Variants in NEGR1 observed in about 807,000 individuals in gnomAD.
The protein encoded by NEGR1 is neuronal growth regulator 1.
In NEGR1, 10 loss-of-function variants were observed where a neutral mutation model predicts 40.9. The ratio of observed to expected loss-of-function variants is 0.24; its 90% CI spans 0.15 to 0.42. NEGR1 has a LOEUF of 0.42. Among genes scored for constraint, NEGR1 ranks in the 10% least tolerant of loss-of-function variants. The probability of loss-of-function intolerance (pLI) is 1.00; values close to 1 mark genes in which losing one functional copy is unlikely to be tolerated. For synonymous variants in NEGR1, 185 were observed against 166.8 expected, an observed-to-expected ratio of 1.11 and a Z score of -0.84; for missense variants, 352 against 438.9, an observed-to-expected ratio of 0.80 and a Z score of 1.77.
At chr1:72,125,026 T>C (rs977440456) in intron 1 of NEGR1, among the ~76,000 whole-genome samples, 28 of 152,130 alleles carry the variant, frequency 1.8e-4, no homozygotes, top group Admixed American at 1.6e-3. Flanking sequence ...ACTTAGTTCT[T>C]AAGTCTTTTG....
chr1:72,248,551 C>A (rs1304110312), intron 1 of NEGR1, among the ~76,000 whole-genome samples: 2 of 148,254 alleles, frequency 1.3e-5, no homozygotes, highest in Non-Finnish European at 3.0e-5. Context: ...AGCCACCACG[C>A]CCAGCCTGAG....
intron 1 of NEGR1, among the ~76,000 whole-genome samples, chr1:72,212,653 A>G (rs1413384037): frequency 6.6e-6 from 1 of 152,036 alleles, no homozygotes; most frequent in Non-Finnish European, 1.5e-5. Context: ...TAAAGAAGTA[A>G]TAATCCAAAT....
rs1202182853 is a variant in NEGR1, at chr1:71,896,342, AGTTT to A, written c.409+38733_409+38736del. Among the ~76,000 whole-genome samples the A allele has an allele frequency of 2.0e-5, 3 of 152,030 alleles. No individual in the cohort carries two copies. The East Asian group carries it at 5.8e-4, about 29-fold the overall frequency. On this transcript the variant is annotated intron_variant, in intron 2 of 6. Transcript: ENST00000357731. ...TTATGTGATGCTTGACTATTTATAT[AGTTT>A]ATTTGGGGAATTTCTATTCAAATTA...
At chr1:71,420,922 A>G (rs1226360527) in intron 6 of NEGR1, among the ~76,000 whole-genome samples, 1 of 152,074 alleles carries the variant, frequency 6.6e-6, no homozygotes, top group African/African-American at 2.4e-5. Flanking sequence ...ATCTTTAATT[A>G]GACATTTCAA....
At chr1:71,601,149 C>T (rs533150257) in intron 5 of NEGR1, among the ~76,000 whole-genome samples, 4 of 152,284 alleles carry the variant, frequency 2.6e-5, no homozygotes, top group African/African-American at 9.6e-5. Flanking sequence ...CTTTCCCATC[C>T]ATTTCTTCCA....
At chr1:71,998,995 C>T (rs115827456) in intron 1 of NEGR1, among the ~76,000 whole-genome samples, 257 of 151,888 alleles carry the variant, frequency 1.7e-3, no homozygotes, top group Non-Finnish European at 2.8e-3. Flanking sequence ...ACATATTAAA[C>T]GATCAATATA....
intron 6 of NEGR1, among the ~76,000 whole-genome samples, chr1:71,535,484 T>C (rs1647484412): frequency 6.6e-6 from 1 of 151,736 alleles, no homozygotes; most frequent in South Asian, 2.1e-4. Context: ...ATTTACTGCA[T>C]AAAAAATTAT....
At chr1:72,210,509 C>A (rs998280742) in intron 1 of NEGR1, among the ~76,000 whole-genome samples, 19 of 151,840 alleles carry the variant, frequency 1.3e-4, no homozygotes, top group African/African-American at 4.6e-4. Flanking sequence ...TGGAAAAAAT[C>A]AAAGTTAAAC....
chr1:72,155,482 C>T (rs1244705079), intron 1 of NEGR1, among the ~76,000 whole-genome samples: 3 of 151,896 alleles, frequency 2.0e-5, no homozygotes, highest in Non-Finnish European at 4.4e-5. Context: ...GTAATTTAAT[C>T]ATGACCCAAA....
At chr1:72,108,347 A>C (rs1397249901) in intron 1 of NEGR1, among the ~76,000 whole-genome samples, 3 of 151,512 alleles carry the variant, frequency 2.0e-5, no homozygotes, top group Non-Finnish European at 4.4e-5. Context: ...CATTTCCTAT[A>C]GTTGTAATTT....
chr1:72,175,874 T>C (rs1053906244), intron 1 of NEGR1, among the ~76,000 whole-genome samples: 1 of 152,112 alleles, frequency 6.6e-6, no homozygotes, highest in African/African-American at 2.4e-5. Flanking sequence ...TAGCCTTGCA[T>C]TGAGGCATGG....
At chr1:72,254,248 T>C (rs1375566435) in intron 1 of NEGR1, among the ~76,000 whole-genome samples, 1 of 152,184 alleles carries the variant, frequency 6.6e-6, no homozygotes, top group African/African-American at 2.4e-5. Flanking sequence ...TTTGTCCTAG[T>C]AGAACTGTAT....
At chr1:72,078,618 CTCAT>C (rs767075893) in intron 1 of NEGR1, among the ~76,000 whole-genome samples, 24 of 110,872 alleles carry the variant, frequency 2.2e-4, no homozygotes, top group Non-Finnish European at 3.7e-4. Flanking sequence ...ATCATATACA[CTCAT>C]ATATATATAT....
intron 1 of NEGR1, among the ~76,000 whole-genome samples, chr1:72,237,966 G>C (rs927903877): frequency 6.6e-6 from 1 of 151,682 alleles, no homozygotes; most frequent in African/African-American, 2.4e-5. Flanking sequence ...GTGCATAGTG[G>C]GTTTTCACTA....
In NEGR1 at chr1:72,205,756, C is replaced by CAA. The variant is rs35490878; in HGVS notation, c.176+76561_176+76562dup. Among the ~76,000 whole-genome samples the CAA allele has an allele frequency of 5.3e-3, 163 of 30,898 alleles. 10 individuals carry two copies. Among genetic ancestry groups the CAA allele is most frequent in the Non-Finnish European group, 8.4e-3 (134 of 15,946 alleles). The allele number at this position is 30,898 out of a possible 152,430, so 20.3% of individuals were successfully genotyped here. ...GGCAAATGGCAAAACCCCATTTCTA[C>CAA]AAAAAAAAAAAAAAAAAAAAAAAAA... On this transcript the variant is annotated intron_variant, in intron 1 of 6. Transcript: ENST00000357731.
At chr1:71,784,261 A>G (rs886937643) in intron 2 of NEGR1, among the ~76,000 whole-genome samples, 2 of 152,140 alleles carry the variant, frequency 1.3e-5, no homozygotes, top group African/African-American at 4.8e-5. Flanking sequence ...CAGATTTTGG[A>G]AACACTGATT....
chr1:72,209,070 T>G (rs184654604), intron 1 of NEGR1, among the ~76,000 whole-genome samples: 1 of 151,702 alleles, frequency 6.6e-6, no homozygotes, highest in African/African-American at 2.4e-5. Context: ...TTGAAGTAAC[T>G]GGACACTTTC....
chr1:72,176,398 G>C (rs562448995), intron 1 of NEGR1, among the ~76,000 whole-genome samples: 2 of 152,008 alleles, frequency 1.3e-5, no homozygotes, highest in Non-Finnish European at 1.5e-5. Context: ...TTAAGACTTT[G>C]CCATCAATAT....
chr1:72,019,859 T>C (rs1646741847), intron 1 of NEGR1, among the ~76,000 whole-genome samples: 1 of 152,224 alleles, frequency 6.6e-6, no homozygotes, highest in Admixed American at 6.5e-5. Context: ...ATACTCAATA[T>C]AAATAAAACC....
Sources: allele counts gnomAD v4.1 joint callset (sites outside exome capture counted in the v4.1 genomes callset), GRCh38; gene constraint gnomAD v4.1.1; transcripts MANE v1.5; gene names NCBI Gene and HGNC (gene_info 2026-07-23, HGNC 2026-07-21).